ATP2C2: variants seen among roughly 807,000 people sequenced by gnomAD.
ATP2C2 encodes ATPase secretory pathway Ca2+ transporting 2, also known as calcium-transporting ATPase type 2C member 2.
A neutral mutation model predicts 110.8 loss-of-function variants in ATP2C2; 171 were observed. The observed-to-expected ratio is 1.54, with a 90% confidence interval of 1.36 to 1.75. The LOEUF (loss-of-function observed/expected upper bound fraction) is 1.75. Ranked by LOEUF, ATP2C2 falls within the 40% of genes most tolerant of loss-of-function variation. ATP2C2 has a pLI of 0.00. For missense variants in ATP2C2, 1,963 were observed against 1,235.0 expected (o/e 1.59, Z -8.84); for synonymous variants, 804 against 508.4 (o/e 1.58, Z -7.82).
In ATP2C2 at chr16:84,448,574, G is replaced by C; in HGVS notation, c.1545G>C (p.Glu515Asp). The stretch of plus-strand genomic sequence containing the variant: ...ACTTCATGAAAGGGGCCTTGGAAGA[G>C]GTGATCCGCTACTGCACCATGTACA... ...DIYFMKGALE[E>D]VIRYCTMYNN... The change falls in exon 17 of 27, where the codon GAG (glutamate) becomes GAC (aspartate). Residue 515 changes from glutamate (E) to aspartate (D), a missense_variant. Transcript: ENST00000262429. 1 of 1,613,792 alleles carries C rather than the reference G, an allele frequency of 6.2e-7. No individual in the cohort carries two copies. Among genetic ancestry groups the C allele is most frequent in the South Asian group, 1.1e-5 (1 of 91,010 alleles).
At chr16:84,389,427 C>T (rs554048660) in intron 1 of ATP2C2, among the ~76,000 whole-genome samples, 19 of 152,342 alleles carry the variant, frequency 1.2e-4, no homozygotes, top group Middle Eastern at 6.8e-3. Context: ...CCTCTGGTGT[C>T]GTCAGATTTA....
At position 84,461,020 on chromosome 16, in the gene ATP2C2, C is replaced by G. The variant is rs868674601; in HGVS notation, c.2481+219C>G. On this transcript the variant is annotated intron_variant, in intron 24 of 26. Coordinates refer to ENST00000262429, the MANE Select transcript of ATP2C2 (RefSeq NM_014861.4). ...TCGCCAGGTGTGTGCCTGGGAACTACAGAGGCCAGCGGGGTGGAGATGACT... is the reference window on the plus strand; with the variant it reads ...TCGCCAGGTGTGTGCCTGGGAACTAGAGAGGCCAGCGGGGTGGAGATGACT... 8 of 604,510 alleles carry G rather than the reference C, an allele frequency of 1.3e-5. No homozygotes were observed. The African/African-American group carries it at 1.5e-4, about 11-fold the overall frequency. 37.4% of individuals were successfully genotyped at this position (604,510 alleles called of 1,614,324 possible). A position where few individuals can be genotyped will look rare whatever the true frequency, so the allele number is the denominator to read the frequency against.
chr16:84,422,844 TA>T (rs397943449), intron 9 of ATP2C2, 147 bp downstream of exon 9: 1 of 942,470 alleles, frequency 1.1e-6, no homozygotes, highest in Non-Finnish European at 1.5e-6. Context: ...TTTTTTTTTT[TA>T]ATAGAGACAG....
At chr16:84,411,639 G>A (rs767208903) in intron 6 of ATP2C2, among the ~76,000 whole-genome samples, 72 of 152,222 alleles carry the variant, frequency 4.7e-4, no homozygotes, top group African/African-American at 1.4e-3. Context: ...GTGGGGTTTC[G>A]CCACGTTGGC....
At position 84,419,925 on chromosome 16, in the gene ATP2C2, C is replaced by T. The variant is rs1011193418; in HGVS notation, c.625-2465C>T. On this transcript the variant is annotated intron_variant, in intron 7 of 26. Coordinates refer to ENST00000262429, the MANE Select transcript of ATP2C2 (RefSeq NM_014861.4). ...GGAGAGACTTGCCTGGCCTGGTGCA[C>T]TCAGGGAGGGCTTCCTGGAGATAGC... is the stretch of plus-strand genomic sequence containing the variant. 4.6e-5 allele frequency among the ~76,000 whole-genome samples: 7 copies of T among 152,176 alleles called. No individual in the cohort carries two copies. In the East Asian group the frequency reaches 1.3e-3, roughly 29 times the overall value.
intron 15 of ATP2C2, among the ~76,000 whole-genome samples, chr16:84,445,911 G>C (rs1293701194): frequency 6.6e-6 from 1 of 152,230 alleles, no homozygotes; most frequent in Non-Finnish European, 1.5e-5. Context: ...CCACCAAAGA[G>C]CAACAAAGGG....
intron 10 of ATP2C2, among the ~76,000 whole-genome samples, chr16:84,423,802 T>G (rs978781883): frequency 1.3e-5 from 2 of 152,224 alleles, no homozygotes; most frequent in Non-Finnish European, 2.9e-5. Context: ...AAATGTAGTT[T>G]ATCTGTGCAC....
intron 1 of ATP2C2, among the ~76,000 whole-genome samples, chr16:84,396,966 G>T (rs1905022589): frequency 6.6e-6 from 1 of 151,832 alleles, no homozygotes; most frequent in South Asian, 2.1e-4. Context: ...GTTGGGGAGG[G>T]CGGCTGTCAA....
intron 21 of ATP2C2, among the ~76,000 whole-genome samples, chr16:84,458,467 C>G (rs1910902084): frequency 7.9e-6 from 1 of 126,068 alleles, no homozygotes; most frequent in South Asian, 2.7e-4. Context: ...GCACAATGTG[C>G]ACATGTACCC....
At chr16:84,392,951 C>G (rs756363895) in intron 1 of ATP2C2, among the ~76,000 whole-genome samples, 1 of 152,172 alleles carries the variant, frequency 6.6e-6, no homozygotes, top group Admixed American at 6.5e-5. Context: ...GTTTGGCTGC[C>G]TGACAGCGTA....
At chr16:84,439,882 C>A (rs1909087516) in intron 13 of ATP2C2, among the ~76,000 whole-genome samples, 4 of 152,318 alleles carry the variant, frequency 2.6e-5, no homozygotes, top group Middle Eastern at 3.4e-3. Context: ...GTCACCCAGG[C>A]TGGAATGCAG....
At chr16:84,455,158 C>A (rs542636715) in intron 21 of ATP2C2, among the ~76,000 whole-genome samples, 174 bp downstream of exon 21, 1 of 152,046 alleles carries the variant, frequency 6.6e-6, no homozygotes, top group African/African-American at 2.4e-5. Context: ...TACCAACAGC[C>A]TCTCATAGCA....
rs752214256 is a variant in ATP2C2, at chr16:84,425,819, G to T, written c.986+18G>T. The T allele has an allele frequency of 1.2e-5, 19 of 1,613,460 alleles. No homozygotes were observed. Among genetic ancestry groups the T allele is most frequent in the Non-Finnish European group, 1.5e-5 (18 of 1,179,454 alleles). ...GGGGTCAGGTAAGAGTGCTATGGCC[G>T]CCCCTTGCCTTGCCAGGGTGGTCAA... On this transcript the variant is annotated intron_variant, in intron 11 of 26. Coordinates refer to ENST00000262429, the MANE Select transcript of ATP2C2 (RefSeq NM_014861.4).
intron 16 of ATP2C2, 121 bp from the exon 17 acceptor site, chr16:84,448,412 A>T (rs1225932812): frequency 2.4e-6 from 3 of 1,263,652 alleles, no homozygotes; most frequent in Non-Finnish European, 3.2e-6. Context: ...AGCCTATGAT[A>T]AATAACTCCG....
At chr16:84,421,596 C>T (rs1281370297) in intron 7 of ATP2C2, among the ~76,000 whole-genome samples, 5 of 151,996 alleles carry the variant, frequency 3.3e-5, no homozygotes, top group African/African-American at 1.2e-4. Context: ...GTGTCTGGCA[C>T]GGTTCTGGCC....
intron 2 of ATP2C2, chr16:84,404,729 T>C (rs1028832118): frequency 5.6e-6 from 2 of 354,694 alleles, no homozygotes; most frequent in Non-Finnish European, 1.1e-5. Context: ...AATTGCTGGA[T>C]CTGGTAGCTC....
rs75932821 is a variant in ATP2C2 at position 84,407,665 on chromosome 16, T to G, written c.328-740T>G. Among the ~76,000 whole-genome samples, 916 of 152,126 alleles carry G rather than the reference T, an allele frequency of 6.0e-3. 17 individuals are homozygous for G. Among genetic ancestry groups the G allele is most frequent in the African/African-American group, 0.021 (878 of 41,504 alleles). On this transcript the variant is annotated intron_variant, in intron 3 of 26. Transcript: ENST00000262429. ...TTTTCATTTTTTTGTAAAGATGGGA[T>G]TTTGCTGTGTTTCCCAGGCTGGACT...
At chr16:84,438,645 C>T (rs1210624881) in intron 11 of ATP2C2, among the ~76,000 whole-genome samples, 2 of 152,128 alleles carry the variant, frequency 1.3e-5, no homozygotes, top group African/African-American at 2.4e-5. Context: ...AACAGATCCA[C>T]GCAGCAGGCA....
intron 7 of ATP2C2, among the ~76,000 whole-genome samples, chr16:84,421,561 C>G (rs1280576522): frequency 1.3e-5 from 2 of 152,064 alleles, no homozygotes; most frequent in South Asian, 4.2e-4. Context: ...ATAGGCCCAC[C>G]CAGCCCCGCT....
Sources: allele counts gnomAD v4.1 joint callset (sites outside exome capture counted in the v4.1 genomes callset), GRCh38; gene constraint gnomAD v4.1.1; transcripts MANE v1.5; gene names NCBI Gene and HGNC (gene_info 2026-07-23, HGNC 2026-07-21).